Variants in CA10 observed in about 807,000 individuals in gnomAD.
The protein encoded by CA10 is carbonic anhydrase 10 (inactive).
In CA10, 14 loss-of-function variants were observed where a neutral mutation model predicts 44.2. That is an observed-to-expected ratio of 0.32 (90% CI 0.21 to 0.50). The LOEUF is 0.50. Ranked by LOEUF, CA10 falls within the 20% of genes least tolerant of loss-of-function variation. The probability of loss-of-function intolerance (pLI) is 0.99; values close to 1 mark genes in which losing one functional copy is unlikely to be tolerated. For synonymous variants in CA10, 159 were observed against 141.6 expected (o/e 1.12, Z -0.87); for missense variants, 350 against 409.7 (o/e 0.85, Z 1.26).
intron 6 of CA10, among the ~76,000 whole-genome samples, chr17:51,641,237 T>A (rs1192462600): frequency 1.3e-5 from 2 of 151,886 alleles, no homozygotes; most frequent in African/African-American, 4.8e-5. Flanking sequence ...AAAGGGCAAA[T>A]CCTAGATGTC....
At chr17:51,894,139 T>C (rs750323422) in intron 3 of CA10, among the ~76,000 whole-genome samples, 1 of 151,934 alleles carries the variant, frequency 6.6e-6, no homozygotes, top group Non-Finnish European at 1.5e-5. Context: ...ACTGAGAATA[T>C]CAAAAAGCTA....
intron 2 of CA10, among the ~76,000 whole-genome samples, chr17:51,938,764 CCT>C (rs1216850402): frequency 4.6e-5 from 7 of 152,018 alleles, no homozygotes; most frequent in African/African-American, 1.2e-4. Flanking sequence ...CTGATCACCC[CCT>C]GTTTAACAAG....
chr17:51,859,114 A>G, intron 3 of CA10, among the ~76,000 whole-genome samples: 1 of 152,146 alleles, frequency 6.6e-6, no homozygotes, highest in Admixed American at 6.5e-5. Context: ...AATAATTAAC[A>G]TTAAATGTTA....
intron 3 of CA10, among the ~76,000 whole-genome samples, chr17:51,911,124 G>A (rs776912157): frequency 1.4e-4 from 22 of 152,076 alleles, no homozygotes; most frequent in Non-Finnish European, 2.8e-4. Context: ...CCCTCCAGGC[G>A]CTTTTAATCT....
At chr17:51,790,861 C>T (rs943518839) in intron 3 of CA10, among the ~76,000 whole-genome samples, 3 of 152,206 alleles carry the variant, frequency 2.0e-5, no homozygotes, top group Non-Finnish European at 4.4e-5. Context: ...TGCAGTACAT[C>T]ACCACCTTCA....
At chr17:52,108,960 C>T (rs1309929525) in intron 1 of CA10, among the ~76,000 whole-genome samples, 1 of 151,812 alleles carries the variant, frequency 6.6e-6, no homozygotes, top group Non-Finnish European at 1.5e-5. Context: ...AAGTGAAAAA[C>T]ACAGGATCTG....
At chr17:52,082,134 A>G (rs578162960) in intron 1 of CA10, among the ~76,000 whole-genome samples, 48 of 152,348 alleles carry the variant, frequency 3.2e-4, no homozygotes, top group Admixed American at 1.0e-3. Flanking sequence ...ACACTGGCAC[A>G]GTGTTTGACA....
chr17:52,148,665 ACT>A (rs1989640415), intron 1 of CA10, among the ~76,000 whole-genome samples: 1 of 151,398 alleles, frequency 6.6e-6, no homozygotes, highest in Non-Finnish European at 1.5e-5. Context: ...CAGAAAAGCC[ACT>A]CTCCATCGCT....
chr17:51,930,997 C>A lies in CA10; in HGVS notation c.272G>T (p.Gly91Val). 6.2e-7 allele frequency: 1 copy of A among 1,613,018 alleles called. No individual in the cohort carries two copies. The highest frequency in any genetic ancestry group is 8.5e-7 in the Non-Finnish European group (1 of 1,179,422). The change falls in exon 3 of 9, where the codon GGC becomes GTC. Residue 91 changes from glycine to valine, a missense_variant. Coordinates refer to ENST00000451037, the MANE Select transcript of CA10 (RefSeq NM_020178.5). ...AGCAATATGGTGGCTTACCTTCCTGCCCCCCGTGTTGATGCGAAGAGGTGT... is the reference window on the plus strand; with the variant it reads ...AGCAATATGGTGGCTTACCTTCCTGACCCCCGTGTTGATGCGAAGAGGTGT... ...FLTPLRINTG[G>V]RKVSGTMYNT...
At chr17:51,649,299 A>C (rs1390837549) in intron 5 of CA10, 45 bp from the exon 6 acceptor site, 8 of 1,324,992 alleles carry the variant, frequency 6.0e-6, no homozygotes, top group Non-Finnish European at 8.7e-6. Flanking sequence ...TCACTCTTGC[A>C]GGACAAACAT....
chr17:51,694,408 G>C (rs901244814), intron 4 of CA10, among the ~76,000 whole-genome samples: 1 of 151,590 alleles, frequency 6.6e-6, no homozygotes, highest in African/African-American at 2.4e-5. Flanking sequence ...GATGATTAGT[G>C]ATGTGGAACA....
chr17:51,750,258 A>G (rs1033258666), intron 3 of CA10, among the ~76,000 whole-genome samples: 2 of 152,184 alleles, frequency 1.3e-5, no homozygotes, highest in African/African-American at 4.8e-5. Flanking sequence ...TGGCATATAT[A>G]TAATTTTCAC....
intron 4 of CA10, among the ~76,000 whole-genome samples, chr17:51,700,146 G>A (rs985642256): frequency 2.0e-5 from 3 of 152,176 alleles, no homozygotes; most frequent in African/African-American, 7.2e-5. Flanking sequence ...CTTTGAAATA[G>A]GAGAGCATCC....
chr17:51,762,205 T>G (rs1313912843), intron 3 of CA10: 1 of 152,256 alleles, frequency 6.6e-6, no homozygotes, highest in Admixed American at 6.5e-5. Flanking sequence ...AGATAATACA[T>G]GTGAAAGAGC....
intron 3 of CA10, among the ~76,000 whole-genome samples, chr17:51,835,329 C>T (rs751115150): frequency 2.0e-5 from 3 of 152,108 alleles, no homozygotes; most frequent in Non-Finnish European, 2.9e-5. Flanking sequence ...TTGGAGTATA[C>T]GGTTGAGAAG....
intron 3 of CA10, among the ~76,000 whole-genome samples, chr17:51,766,018 G>A (rs1311158544): frequency 6.6e-6 from 1 of 152,156 alleles, no homozygotes; most frequent in Non-Finnish European, 1.5e-5. Context: ...AAACAGGAAT[G>A]CCGGGCAGCA....
At chr17:51,940,483 C>T (rs1983035283) in intron 2 of CA10, among the ~76,000 whole-genome samples, 1 of 152,028 alleles carries the variant, frequency 6.6e-6, no homozygotes, top group African/African-American at 2.4e-5. Context: ...TCTGGCTCCT[C>T]CTCATGTCTT....
chr17:51,742,763 T>A (rs1393300576), intron 4 of CA10, among the ~76,000 whole-genome samples: 1 of 152,140 alleles, frequency 6.6e-6, no homozygotes, highest in Non-Finnish European at 1.5e-5. Flanking sequence ...GACTTTTCCC[T>A]CTCTCAGATG....
chr17:51,892,895 G>A (rs1404542701), intron 3 of CA10, among the ~76,000 whole-genome samples: 1 of 152,132 alleles, frequency 6.6e-6, no homozygotes, highest in Non-Finnish European at 1.5e-5. Context: ...AACAACGCTA[G>A]CAGCTGCAAA....
Sources: gnomAD v4.1 joint callset for allele counts (sites outside exome capture counted in the v4.1 genomes callset) on GRCh38, gnomAD v4.1.1 for gene constraint, MANE v1.5 for transcripts, NCBI Gene and HGNC (gene_info 2026-07-23, HGNC 2026-07-21) for gene names.